The following GPR161 variants were observed in gnomAD, a reference collection of about 807,000 sequenced individuals.
GPR161 encodes G-protein coupled receptor RE2.
GPR161 carries 25 observed loss-of-function variants against 39.2 expected under a neutral mutation model. That is an observed-to-expected ratio of 0.64 (90% CI 0.47 to 0.89). The LOEUF (loss-of-function observed/expected upper bound fraction) is 0.89. GPR161 is among the 40% of genes least tolerant of loss of function. The pLI is 0.00. For synonymous variants in GPR161, 286 were observed against 276.6 expected (o/e 1.03, Z -0.34); for missense variants, 547 against 677.8 (o/e 0.81, Z 2.14).
At chr1:168,103,645 G>T (rs747321034) in intron 2 of GPR161, among the ~76,000 whole-genome samples, 5 of 152,100 alleles carry the variant, frequency 3.3e-5, no homozygotes, top group Non-Finnish European at 7.4e-5. Flanking sequence ...AATATCCCTG[G>T]CTAGCCCCAC....
At chr1:168,107,530 G>A (rs7553238) in intron 1 of GPR161, among the ~76,000 whole-genome samples, 50,601 of 151,990 alleles carry the variant, frequency 0.33, 8,727 homozygotes, top group Admixed American at 0.47. Context: ...ATTCTACAGC[G>A]TCCCCACCAA....
intron 4 of GPR161, 134 bp from the exon 5 acceptor site, chr1:168,087,838 C>T (rs1445204701): frequency 1.2e-5 from 10 of 855,518 alleles, no homozygotes; most frequent in Non-Finnish European, 1.8e-5. Context: ...CTGACTGCGC[C>T]GCAGCACGTG....
At chr1:168,121,388 G>A (rs1572365003) in intron 1 of GPR161, among the ~76,000 whole-genome samples, 1 of 152,190 alleles carries the variant, frequency 6.6e-6, no homozygotes, top group Non-Finnish European at 1.5e-5. Flanking sequence ...ATAATCCTAA[G>A]CAAAGCTGGG....
rs74433073 is a variant in GPR161 at position 168,092,711 on chromosome 1, T to G, written c.1100-2043A>C. On this transcript the variant is annotated intron_variant, in intron 3 of 5. Transcript: ENST00000682931. ...TTGAGCTAACTACAAGACCTCTAGA[T>G]GCCCCCAAGCAAAGGAACTTAGGAA... Among the ~76,000 whole-genome samples the G allele has an allele frequency of 1.8e-4, 28 of 152,320 alleles. No individual in the cohort carries two copies. The East Asian group carries it at 5.0e-3, about 27-fold the overall frequency.
At chr1:168,105,038 C>T (rs534434769) in intron 1 of GPR161, 144 bp from the exon 2 acceptor site, 10 of 620,908 alleles carry the variant, frequency 1.6e-5, no homozygotes, top group South Asian at 6.2e-5. Context: ...GTCTTCCCCA[C>T]GTAAGCGCTA....
chr1:168,116,447 A>G (rs1697638498), intron 1 of GPR161, among the ~76,000 whole-genome samples: 1 of 152,110 alleles, frequency 6.6e-6, no homozygotes, highest in South Asian at 2.1e-4. Context: ...CACTTTACAC[A>G]CATCAGTCAC....
At position 168,136,897 on chromosome 1, in the gene GPR161, C is replaced by T. The variant is rs1699425226; in HGVS notation, c.-203G>A. ...CTTCGCTCCTCCCGCGGGCCAGCCA[C>T]CAGCACGCGGACCCGGGCGGGCGCA... On this transcript the variant is annotated 5_prime_UTR_variant, in exon 1 of 6. In the 5' UTR this introduces an upstream ATG that the reference lacks. Transcript: ENST00000682931. 2.0e-6 allele frequency: 2 copies of T among 981,826 alleles called. No homozygotes were observed. The highest frequency in any genetic ancestry group is 1.8e-5 in the African/African-American group (1 of 56,934). 60.8% of individuals were successfully genotyped at this position (981,826 alleles called of 1,614,324 possible).
chr1:168,119,417 C>T, intron 1 of GPR161, among the ~76,000 whole-genome samples: 2 of 151,224 alleles, frequency 1.3e-5, no homozygotes, highest in Non-Finnish European at 2.9e-5. Flanking sequence ...AAAAAGACAA[C>T]TATTTCATGA....
chr1:168,128,401 A>G (rs1396632852), intron 1 of GPR161, among the ~76,000 whole-genome samples: 1 of 152,192 alleles, frequency 6.6e-6, no homozygotes, highest in Non-Finnish European at 1.5e-5. Context: ...AAGGCTGGGG[A>G]TGTTGCTAAA....
In GPR161 at chr1:168,087,625, C is replaced by T. The variant is rs1368719043; in HGVS notation, c.1284G>A (p.Arg428=). The T allele has an allele frequency of 1.2e-6, 2 of 1,614,062 alleles. No homozygotes were observed. Among genetic ancestry groups the T allele is most frequent in the East Asian group, 2.2e-5 (1 of 44,900 alleles). ...CTTCATCCTCAAATGTCACCGAGCT[C>T]CTTCTCTTGGGTGGGCAAGTGCAGT... is the stretch of plus-strand genomic sequence containing the variant. ...PSHCTCPPKR[R]SSVTFEDEVE... Residue 428 remains arginine, a synonymous_variant, in exon 5 of 6, where the codon AGG becomes AGA. Transcript: ENST00000682931.
chr1:168,097,688 T>C (rs888853529), intron 2 of GPR161, among the ~76,000 whole-genome samples: 1 of 152,190 alleles, frequency 6.6e-6, no homozygotes, highest in African/African-American at 2.4e-5. Flanking sequence ...AGGCTTGCGA[T>C]GTGCCAAGCA....
chr1:168,132,504 C>T (rs1699071168), intron 1 of GPR161, among the ~76,000 whole-genome samples: 1 of 150,252 alleles, frequency 6.7e-6, no homozygotes, highest in South Asian at 2.1e-4. Context: ...AGGAGAATGG[C>T]GTGAACCCGG....
chr1:168,137,216 A>G (rs1699460296), upstream of GPR161: 1 of 1,454,328 alleles, frequency 6.9e-7, no homozygotes. Flanking sequence ...TGCCTAACTC[A>G]GGCCTTCCCT....
chr1:168,108,263 T>C (rs967823229), intron 1 of GPR161, among the ~76,000 whole-genome samples: 1 of 151,740 alleles, frequency 6.6e-6, no homozygotes, highest in Non-Finnish European at 1.5e-5. Flanking sequence ...CTGTCCTCCA[T>C]GAGGGATCTA....
intron 3 of GPR161, among the ~76,000 whole-genome samples, chr1:168,094,880 AG>A (rs759089050): frequency 1.1e-4 from 16 of 152,352 alleles, no homozygotes; most frequent in Non-Finnish European, 1.8e-4. Flanking sequence ...TCAGTGGGAA[AG>A]GGCCAAAGAG....
At chr1:168,133,097 G>A (rs1363905829) in intron 1 of GPR161, among the ~76,000 whole-genome samples, 1 of 152,144 alleles carries the variant, frequency 6.6e-6, no homozygotes, top group African/African-American at 2.4e-5. Context: ...CTGAAAGAAT[G>A]CACAAAAACT....
At chr1:168,106,484 G>A (rs1037452840) in intron 1 of GPR161, among the ~76,000 whole-genome samples, 7 of 152,184 alleles carry the variant, frequency 4.6e-5, no homozygotes, top group African/African-American at 1.7e-4. Context: ...CAGCTACTTA[G>A]CGGGCTGAGG....
Position 168,081,509 on chromosome 1 carries a change from A to C in GPR161, c.*4022T>G, listed in dbSNP as rs1042929142. On this transcript the variant is annotated 3_prime_UTR_variant, in exon 6 of 6. Transcript: ENST00000682931. ...CCAGGCATTGTGCTGCATGCTTTCCAAGTATTTCCTCATAGAATCCAGACA... is the reference window on the plus strand; with the variant it reads ...CCAGGCATTGTGCTGCATGCTTTCCCAGTATTTCCTCATAGAATCCAGACA... 6.6e-6 allele frequency: 1 copy of C among 152,218 alleles called. No individual in the cohort carries two copies. The highest frequency in any genetic ancestry group is 2.4e-5 in the African/African-American group (1 of 41,458). The allele number at this position is 152,218 out of a possible 1,614,324, so 9.4% of individuals were successfully genotyped here. A position where few individuals can be genotyped will look rare whatever the true frequency, so the allele number is the denominator to read the frequency against.
At chr1:168,136,167 G>A (rs1348382856) in intron 1 of GPR161, 12 of 1,269,004 alleles carry the variant, frequency 9.5e-6, no homozygotes, top group Admixed American at 4.2e-5. Context: ...CCATCCGGCG[G>A]CGCCGGGCCA....
Sources: gnomAD v4.1 joint callset for allele counts (sites outside exome capture counted in the v4.1 genomes callset) on GRCh38, gnomAD v4.1.1 for gene constraint, MANE v1.5 for transcripts, NCBI Gene and HGNC (gene_info 2026-07-23, HGNC 2026-07-21) for gene names.